SCN8A: variants seen among roughly 807,000 people sequenced by gnomAD.
SCN8A encodes sodium channel protein type 8 subunit alpha.
SCN8A carries 30 observed loss-of-function variants against 184.1 expected under a neutral mutation model. The observed-to-expected ratio is 0.16, with a 90% CI of 0.12 to 0.22. The LOEUF (loss-of-function observed/expected upper bound fraction) is 0.22, where lower values mean the gene tolerates loss of function less well. Ranked by LOEUF, SCN8A falls within the 10% of genes least tolerant of loss-of-function variation. The pLI is 1.00. For missense variants in SCN8A, 1,057 were observed against 2,498.9 expected (o/e 0.42, Z 12.30); for synonymous variants, 852 against 907.0 (o/e 0.94, Z 1.09).
chr12:51,760,317 G>A (rs1942743355), intron 14 of SCN8A, among the ~76,000 whole-genome samples: 1 of 152,146 alleles, frequency 6.6e-6, no homozygotes, highest in Admixed American at 6.5e-5. Context: ...GGTGTATTTT[G>A]ACACACACCC....
intron 1 of SCN8A, among the ~76,000 whole-genome samples, chr12:51,628,146 T>C (rs148555704): frequency 6.6e-6 from 1 of 152,272 alleles, no homozygotes; most frequent in East Asian, 1.9e-4. Context: ...CAGAAGGGCA[T>C]GCCAGGTGGA....
chr12:51,680,079 T>G (rs905540762), intron 2 of SCN8A, among the ~76,000 whole-genome samples: 6 of 152,192 alleles, frequency 3.9e-5, no homozygotes, highest in African/African-American at 1.4e-4. Context: ...ATTATTTCAA[T>G]AATAAAACAT....
At chr12:51,598,558 A>AT (rs1415907955) in intron 1 of SCN8A, among the ~76,000 whole-genome samples, 2 of 152,168 alleles carry the variant, frequency 1.3e-5, no homozygotes, top group African/African-American at 4.8e-5. Flanking sequence ...ATTTTTAGTC[A>AT]TTTAATACAA....
chr12:51,678,187 C>T (rs1941258308), intron 2 of SCN8A, among the ~76,000 whole-genome samples: 1 of 152,204 alleles, frequency 6.6e-6, no homozygotes, highest in East Asian at 1.9e-4. Flanking sequence ...CCTTTCCATT[C>T]TCCCATATTC....
intron 11 of SCN8A, chr12:51,713,592 T>C (rs10747621): frequency 0.89 from 598,675 of 673,916 alleles, 267,563 homozygotes; most frequent in East Asian, 0.98. Flanking sequence ...GACCAGGCGG[T>C]GGTTTTACCT....
In SCN8A at chr12:51,769,937, G is replaced by A. The variant is rs536452913; in HGVS notation, c.3442G>A (p.Val1148Met). Reference protein sequence around the residue: ...DIKPEVEEVPVEQPEEYLDPD... With the variant: ...DIKPEVEEVPMEQPEEYLDPD... ...CAAACCAGAAGTAGAAGAGGTCCCT[G>A]TGGAACAGCCTGAGGAATACTTGGA... The change falls in exon 18 of 27, where the codon GTG becomes ATG. Residue 1148 changes from valine to methionine, a missense_variant. By Grantham distance (21) the Val-to-Met change is conservative (BLOSUM62 1). Transcript: ENST00000627620. 112 of 1,607,722 alleles carry A rather than the reference G, an allele frequency of 7.0e-5. No individual in the cohort carries two copies. Among genetic ancestry groups the A allele is most frequent in the Non-Finnish European group, 8.7e-5 (103 of 1,177,254 alleles).
In SCN8A at chr12:51,807,469, G is replaced by T; in HGVS notation, c.*40G>T. 6.4e-7 allele frequency: 1 copy of T among 1,552,954 alleles called. No homozygotes were observed. The highest frequency in any genetic ancestry group is 8.8e-7 in the Non-Finnish European group (1 of 1,142,560). On this transcript the variant is annotated 3_prime_UTR_variant, in exon 27 of 27. Coordinates refer to ENST00000627620, the MANE Select transcript of SCN8A (RefSeq NM_001330260.2). The surrounding 1 kb of genome is among the most constrained non-coding windows in gnomAD (Gnocchi z 4.5). Reference sequence around the variant, plus strand: ...TCAGTATTATACAGATCTAAAACTCGCAAGTGAAAGATTGTTTACAAACTT... The same window carrying T: ...TCAGTATTATACAGATCTAAAACTCTCAAGTGAAAGATTGTTTACAAACTT...
rs143545451 is a variant in SCN8A, at chr12:51,604,234, T to C, written c.-55+12875T>C. On this transcript the variant is annotated intron_variant, in intron 1 of 26. Transcript: ENST00000627620. ...GATCCATTCAAGTTAATCTGTGTAT[T>C]AGATATGAGATTTAGGCCTAGGTTT... Among the ~76,000 whole-genome samples, 25 of 151,232 alleles carry C rather than the reference T, an allele frequency of 1.7e-4. No homozygotes were observed. In the East Asian group the frequency reaches 4.8e-3, roughly 29 times the overall value.
chr12:51,792,653 G>A (rs763753956), intron 25 of SCN8A, among the ~76,000 whole-genome samples: 9 of 152,086 alleles, frequency 5.9e-5, no homozygotes, highest in South Asian at 4.2e-4. Flanking sequence ...GTGTCTCCCC[G>A]TAAGCCAGGT....
intron 20 of SCN8A, among the ~76,000 whole-genome samples, chr12:51,779,150 G>T (rs1937810558): frequency 6.6e-6 from 1 of 150,864 alleles, no homozygotes; most frequent in Non-Finnish European, 1.5e-5. Flanking sequence ...AACCCAGGAG[G>T]TGGAAGTTGC....
At chr12:51,681,231 G>T (rs187110123) in intron 2 of SCN8A, among the ~76,000 whole-genome samples, 3 of 152,054 alleles carry the variant, frequency 2.0e-5, no homozygotes, top group South Asian at 2.1e-4. Context: ...TCTTTGCCAC[G>T]TTGCCACTGA....
intron 1 of SCN8A, among the ~76,000 whole-genome samples, chr12:51,654,159 A>G (rs1940775420): frequency 6.6e-6 from 1 of 152,164 alleles, no homozygotes; most frequent in African/African-American, 2.4e-5. Context: ...CACTCTCTTG[A>G]TAGTATCCTT....
intron 2 of SCN8A, among the ~76,000 whole-genome samples, chr12:51,670,712 G>A (rs1941115383): frequency 6.6e-6 from 1 of 152,168 alleles, no homozygotes; most frequent in South Asian, 2.1e-4. Flanking sequence ...GATCAGCTAT[G>A]AAATAATGAA....
chr12:51,675,122 G>A (rs1017699073), intron 2 of SCN8A, among the ~76,000 whole-genome samples: 9 of 152,224 alleles, frequency 5.9e-5, no homozygotes, highest in Non-Finnish European at 2.9e-5. Flanking sequence ...GGTTAAAGTA[G>A]AAGGTGATCA....
rs1368439707 is a variant in SCN8A at position 51,788,288 on chromosome 12, T to A, written c.4228-407T>A. On this transcript the variant is annotated intron_variant, in intron 22 of 26. Transcript: ENST00000627620. ...TTTCCAACCCCCATCGCTTAACACC[T>A]TTTTTTTTTTTTTTTTTTTTGCTTA... 5.8e-4 allele frequency among the ~76,000 whole-genome samples: 5 copies of A among 8,634 alleles called. No individual in the cohort carries two copies. In the East Asian group the frequency reaches 0.04, roughly 69 times the overall value. 5.7% of individuals were successfully genotyped at this position (8,634 alleles called of 152,430 possible).
intron 1 of SCN8A, among the ~76,000 whole-genome samples, chr12:51,633,005 T>C (rs1355434197): frequency 6.6e-6 from 1 of 152,198 alleles, no homozygotes; most frequent in Non-Finnish European, 1.5e-5. Flanking sequence ...AATAACAACA[T>C]CTGCCTGCTC....
At chr12:51,666,172 GC>G (rs1392540878) in intron 2 of SCN8A, among the ~76,000 whole-genome samples, 1 of 152,170 alleles carries the variant, frequency 6.6e-6, no homozygotes, top group Non-Finnish European at 1.5e-5. Flanking sequence ...AATTATGTGG[GC>G]AGGCTTAAAA....
At chr12:51,608,921 G>A (rs140027280) in intron 1 of SCN8A, among the ~76,000 whole-genome samples, 5,591 of 152,226 alleles carry the variant, frequency 0.037, 337 homozygotes, top group African/African-American at 0.13. Context: ...CAGAGGTTTT[G>A]ATAGTTTGTG....
Position 51,808,093 on chromosome 12 carries a change from C to T in SCN8A, c.*664C>T, listed in dbSNP as rs1196230318. The T allele has an allele frequency of 6.7e-5, 11 of 164,236 alleles. No homozygotes were observed. Among genetic ancestry groups the T allele is most frequent in the Non-Finnish European group, 1.2e-4 (9 of 74,294 alleles). The allele number at this position is 164,236 out of a possible 1,614,324, so 10.2% of individuals were successfully genotyped here. ...AGAAATGATTTGCATGATGGCATGC[C>T]GTGATCAGAAGTCATGCATGAGATC... On this transcript the variant is annotated 3_prime_UTR_variant, in exon 27 of 27. Coordinates refer to ENST00000627620, the MANE Select transcript of SCN8A (RefSeq NM_001330260.2).
Sources: allele counts gnomAD v4.1 joint callset (sites outside exome capture counted in the v4.1 genomes callset), GRCh38; gene constraint gnomAD v4.1.1; non-coding constraint Gnocchi (gnomAD v3.1); transcripts MANE v1.5; gene names NCBI Gene and HGNC (gene_info 2026-07-23, HGNC 2026-07-21).